Variants in CNTN3 observed in about 807,000 individuals in gnomAD.
CNTN3 encodes the protein contactin 3.
CNTN3 carries 60 observed loss-of-function variants against 119.1 expected under a neutral mutation model. That is an observed-to-expected ratio of 0.50 (90% CI 0.41 to 0.62). The LOEUF is 0.62. CNTN3 is among the 20% of genes least tolerant of loss of function. CNTN3 has a pLI of 0.00. For synonymous variants in CNTN3, 450 were observed against 438.7 expected (o/e 1.03, Z -0.32); for missense variants, 1,101 against 1,242.4 (o/e 0.89, Z 1.71).
chr3:74,443,463 C>T (rs1460363241), intron 4 of CNTN3, among the ~76,000 whole-genome samples: 2 of 152,100 alleles, frequency 1.3e-5, no homozygotes, highest in Admixed American at 1.3e-4. Context: ...CCAATCCTGC[C>T]CCTCCCCTCC....
chr3:74,549,704 T>C (rs1467881071), intron 1 of CNTN3, among the ~76,000 whole-genome samples: 1 of 152,156 alleles, frequency 6.6e-6, no homozygotes, highest in Admixed American at 6.5e-5. Context: ...AGGTTGCCAG[T>C]GTTAAATGGG....
chr3:74,585,981 G>A (rs79159315), intron 1 of CNTN3, among the ~76,000 whole-genome samples: 5,950 of 152,148 alleles, frequency 0.039, 166 homozygotes, highest in South Asian at 0.13. Context: ...AAATTACCAT[G>A]TATCAAGTAG....
At chr3:74,600,614 C>G (rs1385897081) in intron 1 of CNTN3, among the ~76,000 whole-genome samples, 4 of 152,062 alleles carry the variant, frequency 2.6e-5, no homozygotes, top group African/African-American at 7.2e-5. Flanking sequence ...TCCAACCCCC[C>G]AGTGTGCAGT....
chr3:74,532,805 T>C (rs944306306), intron 1 of CNTN3, among the ~76,000 whole-genome samples: 1 of 152,020 alleles, frequency 6.6e-6, no homozygotes, highest in African/African-American at 2.4e-5. Flanking sequence ...CAGAAAATGA[T>C]ACCTTAGATA....
intron 19 of CNTN3, among the ~76,000 whole-genome samples, chr3:74,293,892 G>C (rs1702282772): frequency 6.6e-6 from 1 of 152,178 alleles, no homozygotes; most frequent in African/African-American, 2.4e-5. Context: ...GCCTTAGTTT[G>C]AGAAGTCTGA....
intron 11 of CNTN3, among the ~76,000 whole-genome samples, chr3:74,350,865 C>A (rs562421549): frequency 3.7e-4 from 56 of 151,956 alleles, no homozygotes; most frequent in South Asian, 8.3e-4. Flanking sequence ...AAAGTGGGAG[C>A]TAAACAATGG....
At chr3:74,531,112 T>A (rs1466795623) in intron 1 of CNTN3, among the ~76,000 whole-genome samples, 1 of 152,100 alleles carries the variant, frequency 6.6e-6, no homozygotes, top group East Asian at 1.9e-4. Context: ...ATTATTTCTT[T>A]AACTGTAGAC....
intron 4 of CNTN3, among the ~76,000 whole-genome samples, chr3:74,436,113 G>T (rs1254908333): frequency 6.6e-6 from 1 of 152,128 alleles, no homozygotes; most frequent in Non-Finnish European, 1.5e-5. Flanking sequence ...CTAGGTTCAG[G>T]GTATTTGGAC....
At chr3:74,448,409 A>T (rs1702086923) in intron 4 of CNTN3, among the ~76,000 whole-genome samples, 1 of 152,044 alleles carries the variant, frequency 6.6e-6, no homozygotes, top group Non-Finnish European at 1.5e-5. Flanking sequence ...GTAAACATGA[A>T]CTCACTCTTC....
intron 5 of CNTN3, among the ~76,000 whole-genome samples, chr3:74,411,764 C>A (rs184025725): frequency 4.6e-5 from 7 of 152,042 alleles, no homozygotes; most frequent in African/African-American, 1.7e-4. Flanking sequence ...ACGTTATCAA[C>A]CCATCAATTA....
intron 1 of CNTN3, among the ~76,000 whole-genome samples, chr3:74,555,838 G>A (rs1270572680): frequency 6.6e-6 from 1 of 151,754 alleles, no homozygotes; most frequent in Admixed American, 6.6e-5. Flanking sequence ...GGTCTATTTT[G>A]TTGATCTTTT....
rs545952373 is a variant in CNTN3, at chr3:74,614,652, C to A, written c.-342G>T. Among the ~76,000 whole-genome samples the A allele has an allele frequency of 6.6e-3, 982 of 149,568 alleles. 9 individuals carry two copies. Among genetic ancestry groups the A allele is most frequent in the South Asian group, 0.017 (83 of 4,826 alleles). ...TGCTGTGGCTGCTGCCGGCGCCTAG[C>A]GAGCACTGCCCGTGCCTCCGCCACT... is the stretch of plus-strand genomic sequence containing the variant. On this transcript the variant is annotated 5_prime_UTR_variant, in exon 1 of 23. Transcript: ENST00000263665.
chr3:74,325,862 T>C (rs1032760190), intron 13 of CNTN3, among the ~76,000 whole-genome samples: 7 of 152,132 alleles, frequency 4.6e-5, no homozygotes, highest in African/African-American at 1.7e-4. Flanking sequence ...ACCAATCTGA[T>C]CTACTAATTT....
chr3:74,603,032 A>G (rs766602232), intron 1 of CNTN3, among the ~76,000 whole-genome samples: 9 of 152,102 alleles, frequency 5.9e-5, no homozygotes, highest in Non-Finnish European at 1.0e-4. Flanking sequence ...AGTACTTGCA[A>G]CTGAGGTCTC....
intron 5 of CNTN3, among the ~76,000 whole-genome samples, chr3:74,384,525 G>A (rs2106817145): frequency 6.6e-6 from 1 of 152,276 alleles, no homozygotes; most frequent in East Asian, 1.9e-4. Context: ...TTCAAATGGA[G>A]AAATATTGAA....
intron 1 of CNTN3, among the ~76,000 whole-genome samples, chr3:74,575,698 T>C (rs1575840379): frequency 6.7e-6 from 1 of 149,766 alleles, no homozygotes; most frequent in African/African-American, 2.5e-5. Flanking sequence ...GGGAGGATAT[T>C]TGGGGGAAGA....
At chr3:74,307,045 T>G (rs545827312) in intron 13 of CNTN3, among the ~76,000 whole-genome samples, 1 of 152,126 alleles carries the variant, frequency 6.6e-6, no homozygotes, top group African/African-American at 2.4e-5. Flanking sequence ...ATTTAACATA[T>G]GAGCAGAAGT....
At chr3:74,508,041 AAAGGAT>A (rs2107097492) in intron 2 of CNTN3, among the ~76,000 whole-genome samples, 1 of 152,274 alleles carries the variant, frequency 6.6e-6, no homozygotes, top group African/African-American at 2.4e-5. Flanking sequence ...AGCAGAACAG[AAAGGAT>A]AACTGATATG....
rs567414817 is a variant in CNTN3 at position 74,413,560 on chromosome 3, C to T, written c.454+11285G>A. Among the ~76,000 whole-genome samples the T allele has an allele frequency of 6.6e-5, 10 of 152,166 alleles. 2 individuals carry two copies. The South Asian group carries it at 2.1e-3, about 32-fold the overall frequency. On this transcript the variant is annotated intron_variant, in intron 5 of 22. Coordinates refer to ENST00000263665, the MANE Select transcript of CNTN3 (RefSeq NM_020872.3). Reference sequence around the variant, plus strand: ...TGCATTTTCTATATTTTAAAAAATGCAAATAAAGTAATTGATGCTGTTTAG... The same window carrying T: ...TGCATTTTCTATATTTTAAAAAATGTAAATAAAGTAATTGATGCTGTTTAG...
Sources: allele counts gnomAD v4.1 joint callset (sites outside exome capture counted in the v4.1 genomes callset), GRCh38; gene constraint gnomAD v4.1.1; transcripts MANE v1.5; gene names NCBI Gene and HGNC (gene_info 2026-07-23, HGNC 2026-07-21).